Variants in ADGRV1 observed in about 807,000 individuals in gnomAD.
ADGRV1 encodes the protein G-protein coupled receptor 98.
Under a neutral mutation model 596.2 loss-of-function variants are expected in ADGRV1, and 359 were observed. The ratio of observed to expected loss-of-function variants is 0.60; its 90% CI spans 0.55 to 0.66. The LOEUF (loss-of-function observed/expected upper bound fraction) is 0.66, where lower values mean the gene tolerates loss of function less well. ADGRV1 is among the 30% of genes least tolerant of loss of function. ADGRV1 has a pLI of 0.00. For synonymous variants in ADGRV1, 2,681 were observed against 2,679.2 expected, an observed-to-expected ratio of 1.00 and a Z score of -0.02; for missense variants, 7,274 against 7,575.6, an observed-to-expected ratio of 0.96 and a Z score of 1.48.
intron 60 of ADGRV1, among the ~76,000 whole-genome samples, chr5:90,775,755 G>A (rs1758158902): frequency 6.6e-6 from 1 of 152,138 alleles, no homozygotes; most frequent in Admixed American, 6.5e-5. Flanking sequence ...TGGGATTACA[G>A]GTATGATCCA....
intron 1 of ADGRV1, among the ~76,000 whole-genome samples, chr5:90,608,903 T>C (rs1331366975): frequency 1.3e-5 from 2 of 152,126 alleles, no homozygotes; most frequent in African/African-American, 2.4e-5. Flanking sequence ...TTACCATAAT[T>C]GTGTCAACTA....
intron 85 of ADGRV1, among the ~76,000 whole-genome samples, chr5:91,009,061 A>T (rs986247536): frequency 6.6e-6 from 1 of 152,216 alleles, no homozygotes; most frequent in Non-Finnish European, 1.5e-5. Context: ...TTGCATTTAT[A>T]TGCAGCTTGC....
chr5:90,820,977 G>T (rs1373953335), intron 75 of ADGRV1, among the ~76,000 whole-genome samples: 1 of 151,724 alleles, frequency 6.6e-6, no homozygotes. Flanking sequence ...TGCTAGATTG[G>T]GGAAGTTCTC....
At chr5:90,683,204 AT>A (rs1242717615) in intron 27 of ADGRV1, among the ~76,000 whole-genome samples, 5 of 144,132 alleles carry the variant, frequency 3.5e-5, no homozygotes, top group African/African-American at 1.4e-4. Context: ...TGAAATTTCA[AT>A]TGTGTTTTAT....
intron 39 of ADGRV1, among the ~76,000 whole-genome samples, chr5:90,709,333 T>C (rs1749030385): frequency 6.6e-6 from 1 of 152,208 alleles, no homozygotes; most frequent in African/African-American, 2.4e-5. Flanking sequence ...CCTTTTATCT[T>C]TTTCTTTTCA....
intron 41 of ADGRV1, among the ~76,000 whole-genome samples, chr5:90,711,852 C>T (rs575367950): frequency 2.6e-5 from 4 of 152,334 alleles, no homozygotes; most frequent in African/African-American, 9.6e-5. Flanking sequence ...TCTCGGCTCA[C>T]TGCAACCTCC....
At chr5:90,992,591 G>A (rs979539790) in intron 85 of ADGRV1, among the ~76,000 whole-genome samples, 1 of 152,154 alleles carries the variant, frequency 6.6e-6, no homozygotes, top group East Asian at 1.9e-4. Context: ...CTTTATGTTT[G>A]AACTCTTCCG....
chr5:90,824,787 A>C (rs530882090), intron 76 of ADGRV1, among the ~76,000 whole-genome samples: 32 of 152,362 alleles, frequency 2.1e-4, no homozygotes, highest in Admixed American at 1.3e-3. Flanking sequence ...CCTACTGCAC[A>C]CAGTATGTCC....
chr5:90,860,501 C>T (rs894681696), intron 82 of ADGRV1, among the ~76,000 whole-genome samples: 1 of 151,836 alleles, frequency 6.6e-6, no homozygotes, highest in Non-Finnish European at 1.5e-5. Context: ...GGTTTTGTGC[C>T]TTTAGCTTAT....
intron 76 of ADGRV1, among the ~76,000 whole-genome samples, chr5:90,825,543 A>G (rs1046854283): frequency 1.3e-5 from 2 of 152,226 alleles, no homozygotes; most frequent in Non-Finnish European, 2.9e-5. Flanking sequence ...GTGAATTAGA[A>G]TACTGATACG....
intron 59 of ADGRV1, among the ~76,000 whole-genome samples, chr5:90,765,030 A>G (rs1401666664): frequency 6.6e-6 from 1 of 152,058 alleles, no homozygotes; most frequent in Non-Finnish European, 1.5e-5. Flanking sequence ...CCTACTTTCC[A>G]TGGGGCTCCA....
At chr5:90,759,386 C>G (rs1756206518) in intron 57 of ADGRV1, 23 bp from the exon 58 acceptor site, 5 of 1,486,754 alleles carry the variant, frequency 3.4e-6, no homozygotes, top group Middle Eastern at 1.7e-4. Flanking sequence ...CTCTCTTTCT[C>G]CCTTCCTTCC....
rs1752289048 is a variant in ADGRV1, at chr5:90,729,727, T to G, written c.10512T>G (p.Val3504=). The G allele has an allele frequency of 1.2e-6, 2 of 1,613,216 alleles. No individual in the cohort carries two copies. Among genetic ancestry groups the G allele is most frequent in the Non-Finnish European group, 1.7e-6 (2 of 1,179,296 alleles). The part of the protein sequence containing the change: ...RYFQSVDFAA[V]NRIHSFTPAS... ...TTCAGTCTGTAGATTTTGCTGCTGT[T>G]AACAGAATCCACTCCTTCACACCAG... is the stretch of plus-strand genomic sequence containing the variant. The change falls in exon 50 of 90, where the codon GTT becomes GTG. Residue 3504 remains valine, a synonymous_variant. Transcript: ENST00000405460.
chr5:91,077,242 G>T (rs536637826), intron 86 of ADGRV1, among the ~76,000 whole-genome samples: 26 of 152,254 alleles, frequency 1.7e-4, no homozygotes, highest in Non-Finnish European at 3.2e-4. Flanking sequence ...CAAAACCATA[G>T]ACCTGATATC....
intron 1 of ADGRV1, among the ~76,000 whole-genome samples, chr5:90,574,361 C>T (rs1756936216): frequency 6.6e-6 from 1 of 152,024 alleles, no homozygotes; most frequent in African/African-American, 2.4e-5. Flanking sequence ...TTATAGAGAT[C>T]TTTCACCTCC....
intron 84 of ADGRV1, among the ~76,000 whole-genome samples, chr5:90,976,950 T>G (rs1436555718): frequency 6.6e-6 from 1 of 152,218 alleles, no homozygotes; most frequent in Non-Finnish European, 1.5e-5. Context: ...ATTTTACAGT[T>G]GTACTTGAGC....
intron 83 of ADGRV1, among the ~76,000 whole-genome samples, chr5:90,907,967 C>T (rs1772477924): frequency 6.6e-6 from 1 of 152,130 alleles, no homozygotes; most frequent in South Asian, 2.1e-4. Context: ...TATCCTGCCT[C>T]AGCCTCCTGA....
intron 60 of ADGRV1, 117 bp from the exon 61 acceptor site, chr5:90,776,336 T>C (rs1466806121): frequency 4.3e-6 from 4 of 930,528 alleles, no homozygotes; most frequent in East Asian, 2.6e-5. Flanking sequence ...CTTACTGATA[T>C]GAGAGTCATG....
At chr5:90,834,960 CCTTCCTTA>C (rs1211181529) in intron 77 of ADGRV1, among the ~76,000 whole-genome samples, 7 of 146,968 alleles carry the variant, frequency 4.8e-5, no homozygotes, top group Non-Finnish European at 7.5e-5. Context: ...CTCCTTCCTT[CCTTCCTTA>C]CTTCCTTTCT....
Sources: allele counts gnomAD v4.1 joint callset (sites outside exome capture counted in the v4.1 genomes callset), GRCh38; gene constraint gnomAD v4.1.1; transcripts MANE v1.5; gene names NCBI Gene and HGNC (gene_info 2026-07-23, HGNC 2026-07-21).